The following PRDM4 variants were observed in gnomAD, a reference collection of about 807,000 sequenced individuals.
The protein encoded by PRDM4 is PR domain zinc finger protein 4.
In PRDM4, 38 loss-of-function variants were observed where a neutral mutation model predicts 62.3. The ratio of observed to expected loss-of-function variants is 0.61; its 90% CI spans 0.47 to 0.80. PRDM4 has a LOEUF of 0.80. PRDM4 is among the 30% of genes least tolerant of loss of function. PRDM4 has a pLI of 0.00. For synonymous variants in PRDM4, 339 were observed against 348.2 expected, an observed-to-expected ratio of 0.97 and a Z score of 0.30; for missense variants, 858 against 997.1, an observed-to-expected ratio of 0.86 and a Z score of 1.88.
chr12:107,746,750 G>C (rs1374776686), intron 5 of PRDM4, among the ~76,000 whole-genome samples: 3 of 152,156 alleles, frequency 2.0e-5, no homozygotes, highest in African/African-American at 7.2e-5. Flanking sequence ...CTCCCAGAGT[G>C]CTGGTATTAC....
intron 5 of PRDM4, among the ~76,000 whole-genome samples, chr12:107,747,259 TAAGAGGAAACTG>T (rs1890737151): frequency 6.6e-6 from 1 of 152,052 alleles, no homozygotes; most frequent in Non-Finnish European, 1.5e-5. Context: ...TTCTGAACTG[TAAGAGGAAACTG>T]AGTTGAAATG....
intron 3 of PRDM4, among the ~76,000 whole-genome samples, chr12:107,756,341 G>A (rs1891066202): frequency 6.6e-6 from 1 of 152,114 alleles, no homozygotes; most frequent in African/African-American, 2.4e-5. Flanking sequence ...CCATGTAAAA[G>A]CCCCAGGTAA....
intron 11 of PRDM4, chr12:107,739,146 A>G: frequency 2.3e-6 from 1 of 427,976 alleles, no homozygotes; most frequent in East Asian, 4.0e-5. Flanking sequence ...GATGTGAAAA[A>G]AGAGTACATG....
intron 4 of PRDM4, 39 bp from the exon 5 acceptor site, chr12:107,752,248 T>C (rs1890919513): frequency 6.9e-7 from 1 of 1,446,844 alleles, no homozygotes; most frequent in Non-Finnish European, 9.6e-7. Flanking sequence ...AGACTTTTAG[T>C]ACATTATTAA....
In PRDM4 at chr12:107,746,489, G is replaced by GTT. The variant is rs373095125; in HGVS notation, c.1127-67_1127-66dup. ...TCAAGCAGGCTAAATTACCACCACG[G>GTT]TTTTTTTTTTTTTTGAGACAAAGTC... On this transcript the variant is annotated intron_variant, in intron 5 of 11. Coordinates refer to ENST00000228437, the MANE Select transcript of PRDM4 (RefSeq NM_012406.4). The GTT allele has an allele frequency of 9.6e-3, 10,554 of 1,099,312 alleles. 125 individuals carry two copies. Among genetic ancestry groups the GTT allele is most frequent in the African/African-American group, 0.074 (4,351 of 58,966 alleles). 68.1% of individuals were successfully genotyped at this position (1,099,312 alleles called of 1,614,324 possible).
Position 107,752,137 on chromosome 12 carries a change from TTACCATCA to T in PRDM4, c.396_403del (p.Asp133TyrfsTer8). On this transcript the variant is annotated frameshift_variant, in exon 5 of 12. Transcript: ENST00000228437. LOFTEE classifies it high-confidence loss of function. ...GTTATTGGTGATAGATAATGCTGTA[TTACCATCA>T]ACATTTATAGAGTTAGGGTGGATGT... is the stretch of plus-strand genomic sequence containing the variant. 1 of 1,600,192 alleles carries T rather than the reference TTACCATCA, an allele frequency of 6.2e-7. No individual in the cohort carries two copies. The highest frequency in any genetic ancestry group is 8.6e-7 in the Non-Finnish European group (1 of 1,167,314).
chr12:107,742,611 G>T (rs1320465664), intron 8 of PRDM4: 1 of 428,710 alleles, frequency 2.3e-6, no homozygotes, highest in Non-Finnish European at 4.1e-6. Flanking sequence ...TAAATAAAAT[G>T]AAGTCTTTAA....
intron 4 of PRDM4, among the ~76,000 whole-genome samples, 163 bp from the exon 5 acceptor site, chr12:107,752,372 C>A (rs1423453692): frequency 6.6e-6 from 1 of 152,076 alleles, no homozygotes; most frequent in Non-Finnish European, 1.5e-5. Context: ...CATACATATA[C>A]CGTAATTGAG....
intron 6 of PRDM4, 47 bp downstream of exon 6, chr12:107,746,218 TCTACGCTACA>T: frequency 6.3e-7 from 1 of 1,585,816 alleles, no homozygotes; most frequent in Admixed American, 1.8e-5. Context: ...CTTTTACAAC[TCTACGCTACA>T]AAGGAAGAAG....
In PRDM4 at chr12:107,746,213, A is replaced by T. The variant is rs576754010; in HGVS notation, c.1276+62T>A. On this transcript the variant is annotated intron_variant, in intron 6 of 11. Transcript: ENST00000228437. ...TACTAAATTATACACATCCACTTTT[A>T]CAACTCTACGCTACAAAGGAAGAAG... The T allele has an allele frequency of 7.1e-5, 111 of 1,572,814 alleles. No individual in the cohort carries two copies. The African/African-American group carries it at 1.4e-3, about 20-fold the overall frequency.
intron 3 of PRDM4, among the ~76,000 whole-genome samples, chr12:107,756,386 C>G (rs550993891): frequency 6.6e-6 from 1 of 152,320 alleles, no homozygotes; most frequent in South Asian, 2.1e-4. Context: ...AATTCTAGAC[C>G]TGGTACACTT....
Position 107,752,168 on chromosome 12 carries a change from T to G in PRDM4, c.373A>C (p.Ile125Leu). 1 of 1,598,384 alleles carries G rather than the reference T, an allele frequency of 6.3e-7. No individual in the cohort carries two copies. The highest frequency in any genetic ancestry group is 2.2e-5 in the East Asian group (1 of 44,798). Residue 125 changes from isoleucine to leucine, a missense_variant, in exon 5 of 12, where the codon ATC becomes CTC. Physicochemically the swap from Ile to Leu is conservative, Grantham distance 5 (BLOSUM62 2). Transcript: ENST00000228437. ...YLADRPPPQY[I>L]HPNSINVDGN... is the part of the protein sequence containing the mutation. ...TCAACATTTATAGAGTTAGGGTGGATGTACTGTGGAGGTGGTCTGTCAGCT... is the reference window on the plus strand; with the variant it reads ...TCAACATTTATAGAGTTAGGGTGGAGGTACTGTGGAGGTGGTCTGTCAGCT...
chr12:107,757,831 T>C (rs1442235961), intron 2 of PRDM4, among the ~76,000 whole-genome samples: 1 of 152,216 alleles, frequency 6.6e-6, no homozygotes, highest in African/African-American at 2.4e-5. Context: ...CCATTACAAA[T>C]GTCTTTCGAA....
chr12:107,760,975 G>C lies in PRDM4; in HGVS notation c.-275C>G, dbSNP rs11113465. ...AGCCCACCTGCCAGCTGCGCTGGGG[G>C]CGCACGCGCCTGCCCCACTGCTTTG... is the stretch of plus-strand genomic sequence containing the variant. On this transcript the variant is annotated 5_prime_UTR_variant, in exon 1 of 12. Transcript: ENST00000228437. 9 of 148,586 alleles carry C rather than the reference G, an allele frequency of 6.1e-5. No individual in the cohort carries two copies. Among genetic ancestry groups the C allele is most frequent in the Non-Finnish European group, 9.0e-5 (6 of 66,882 alleles). 9.2% of individuals were successfully genotyped at this position (148,586 alleles called of 1,614,324 possible). A position where few individuals can be genotyped will look rare whatever the true frequency, so the allele number is the denominator to read the frequency against.
chr12:107,743,797 G>C (rs1037548806), intron 7 of PRDM4, among the ~76,000 whole-genome samples: 5 of 152,170 alleles, frequency 3.3e-5, no homozygotes, highest in African/African-American at 1.2e-4. Flanking sequence ...TGAAAATGTT[G>C]TATTTCTAAC....
intron 11 of PRDM4, 34 bp downstream of exon 11, chr12:107,739,349 T>C: frequency 6.2e-7 from 1 of 1,601,924 alleles, no homozygotes; most frequent in East Asian, 2.2e-5. Context: ...GCTCACCACC[T>C]GAGGAACGAC....
chr12:107,745,328 GC>G (rs1890662602), intron 6 of PRDM4, among the ~76,000 whole-genome samples: 1 of 152,174 alleles, frequency 6.6e-6, no homozygotes, highest in Admixed American at 6.5e-5. Flanking sequence ...ACTTTGGGAG[GC>G]CAAGGCAGGA....
chr12:107,734,563 A>C, intron 11 of PRDM4, 41 bp from the exon 12 acceptor site: 1 of 1,558,208 alleles, frequency 6.4e-7, no homozygotes, highest in Non-Finnish European at 8.7e-7. Flanking sequence ...TTGGGGTTAC[A>C]AATAACAACT....
Position 107,752,116 on chromosome 12 carries a change from T to C in PRDM4, c.425A>G (p.Asn142Ser), listed in dbSNP as rs1189764883. 7 of 1,606,052 alleles carry C rather than the reference T, an allele frequency of 4.4e-6. No homozygotes were observed. Among genetic ancestry groups the C allele is most frequent in the African/African-American group, 1.3e-5 (1 of 74,730 alleles). ...VDGNTALSIT[N>S]NPSALDPYQS... ...ATAGGGATCTAGTGCTGAAGGGTTA[T>C]TGGTGATAGATAATGCTGTATTACC... is the stretch of plus-strand genomic sequence containing the variant. The change falls in exon 5 of 12, where the codon AAT (asparagine) becomes AGT (serine). Residue 142 changes from asparagine to serine, a missense_variant. By Grantham distance (46) the Asn-to-Ser change is conservative (BLOSUM62 1). Transcript: ENST00000228437.
Sources: gnomAD v4.1 joint callset for allele counts (sites outside exome capture counted in the v4.1 genomes callset) on GRCh38, gnomAD v4.1.1 for gene constraint, MANE v1.5 for transcripts, NCBI Gene and HGNC (gene_info 2026-07-23, HGNC 2026-07-21) for gene names.